Variants in WWP2 observed in about 807,000 individuals in gnomAD.
The protein encoded by WWP2 is NEDD4-like E3 ubiquitin-protein ligase WWP2.
In WWP2, 57 loss-of-function variants were observed where a neutral mutation model predicts 121.0. The ratio of observed to expected loss-of-function variants is 0.47; its 90% CI spans 0.38 to 0.59. WWP2 has a LOEUF of 0.59. WWP2 is among the 20% of genes least tolerant of loss of function. The pLI is 0.00. For synonymous variants in WWP2, 449 were observed against 441.3 expected, an observed-to-expected ratio of 1.02 and a Z score of -0.22; for missense variants, 962 against 1,158.9, an observed-to-expected ratio of 0.83 and a Z score of 2.47.
chr16:69,796,322 G>A (rs1275610599), intron 2 of WWP2, among the ~76,000 whole-genome samples: 2 of 152,138 alleles, frequency 1.3e-5, no homozygotes, highest in Admixed American at 6.6e-5. Flanking sequence ...TGAACATATC[G>A]CAAGTTGAAA....
intron 4 of WWP2, among the ~76,000 whole-genome samples, chr16:69,818,094 G>A (rs2056529116): frequency 6.6e-6 from 1 of 151,464 alleles, no homozygotes; most frequent in Non-Finnish European, 1.5e-5. Context: ...AACAGCACTG[G>A]GTGTTGTCAG....
chr16:69,922,160 A>G (rs2058573311), intron 10 of WWP2, among the ~76,000 whole-genome samples: 1 of 151,718 alleles, frequency 6.6e-6, no homozygotes, highest in Admixed American at 6.6e-5. Context: ...ATCGAGAAAC[A>G]GACAACTTGT....
chr16:69,839,770 G>T (rs1381056747), intron 4 of WWP2, among the ~76,000 whole-genome samples: 2 of 152,182 alleles, frequency 1.3e-5, no homozygotes, highest in African/African-American at 4.8e-5. Context: ...TGGGCAGGGG[G>T]ATATTACTTG....
chr16:69,853,573 G>A (rs1042692718), intron 6 of WWP2, among the ~76,000 whole-genome samples: 8 of 152,294 alleles, frequency 5.3e-5, no homozygotes, highest in East Asian at 3.9e-4. Context: ...GCGTCAGGGC[G>A]GGCATATGGG....
intron 1 of WWP2, among the ~76,000 whole-genome samples, chr16:69,765,493 G>C (rs1019844439): frequency 1.3e-5 from 2 of 152,092 alleles, no homozygotes; most frequent in African/African-American, 4.8e-5. Flanking sequence ...GTATTATGTT[G>C]TAATAAAGCA....
At chr16:69,834,416 T>C (rs2056840636) in intron 4 of WWP2, among the ~76,000 whole-genome samples, 1 of 152,152 alleles carries the variant, frequency 6.6e-6, no homozygotes, top group African/African-American at 2.4e-5. Context: ...TTTTCTTCTC[T>C]ACCCCACATC....
chr16:69,906,254 A>G (rs907077652), intron 8 of WWP2, among the ~76,000 whole-genome samples: 4 of 151,848 alleles, frequency 2.6e-5, no homozygotes, highest in Non-Finnish European at 4.4e-5. Context: ...TTATATTTTT[A>G]GTAGAGACAG....
chr16:69,809,534 A>C (rs1266822732), intron 4 of WWP2, among the ~76,000 whole-genome samples: 1 of 152,168 alleles, frequency 6.6e-6, no homozygotes, highest in Non-Finnish European at 1.5e-5. Context: ...TGGGAGGCCA[A>C]GGTGGGTGTA....
intron 4 of WWP2, among the ~76,000 whole-genome samples, chr16:69,831,758 T>C (rs2056796771): frequency 6.6e-6 from 1 of 152,048 alleles, no homozygotes; most frequent in Non-Finnish European, 1.5e-5. Context: ...TTTGTCAAAT[T>C]CTTGCAAGTT....
chr16:69,907,274 T>G (rs1349915662), intron 8 of WWP2, among the ~76,000 whole-genome samples: 1 of 152,160 alleles, frequency 6.6e-6, no homozygotes, highest in Non-Finnish European at 1.5e-5. Context: ...GTAACTAGGT[T>G]TAGCTGGGGG....
chr16:69,868,877 G>C (rs1314721673), intron 6 of WWP2, among the ~76,000 whole-genome samples: 1 of 152,098 alleles, frequency 6.6e-6, no homozygotes, highest in African/African-American at 2.4e-5. Context: ...ACTGAGGTGT[G>C]GTTGACAGCT....
chr16:69,908,711 C>A (rs546406245), intron 8 of WWP2, 50 bp from the exon 9 acceptor site: 3 of 1,610,960 alleles, frequency 1.9e-6, no homozygotes, highest in South Asian at 2.2e-5. Context: ...TAACAGGGGC[C>A]TATGCCTTTC....
At chr16:69,804,531 T>C (rs1243301780) in intron 4 of WWP2, among the ~76,000 whole-genome samples, 2 of 152,246 alleles carry the variant, frequency 1.3e-5, no homozygotes, top group Non-Finnish European at 2.9e-5. Flanking sequence ...GGACTTTCCA[T>C]TGAATCCATC....
At chr16:69,827,898 C>T (rs927381100) in intron 4 of WWP2, 2 of 455,690 alleles carry the variant, frequency 4.4e-6, no homozygotes, top group Non-Finnish European at 8.8e-6. Context: ...CCCCAGGTAC[C>T]TTTTAAAAAA....
Position 69,937,134 on chromosome 16 carries a change from C to T in WWP2, c.2134C>T (p.Arg712Cys). 12 of 1,613,894 alleles carry T rather than the reference C, an allele frequency of 7.4e-6. No individual in the cohort carries two copies. Among genetic ancestry groups the T allele is most frequent in the Non-Finnish European group, 9.3e-6 (11 of 1,179,932 alleles). ...TGGTCTCAGGCTGCTGACTGACTGG[C>T]GTTTCACCCGAGGCGTGGAAGAGCA... Reference protein sequence around the residue: ...EEYIMLLTDWRFTRGVEEQTK... With the variant: ...EEYIMLLTDWCFTRGVEEQTK... Residue 712 changes from arginine to cysteine, a missense_variant, in exon 20 of 24, where the codon CGT becomes TGT. Arg to Cys is a radical substitution (Grantham distance 180). This residue lies in a region of WWP2 where 606 missense variants were observed against 772.6 expected (regional missense o/e 0.78). Transcript: ENST00000359154. The surrounding 1 kb of genome is among the most constrained non-coding windows in gnomAD (Gnocchi z 6.6).
At chr16:69,919,102 C>T (rs1430629930) in intron 10 of WWP2, among the ~76,000 whole-genome samples, 1 of 18,900 alleles carries the variant, frequency 5.3e-5, no homozygotes, top group South Asian at 1.7e-3. Context: ...CCTCGGCCTC[C>T]CAAAGTGCTG....
chr16:69,806,496 G>A (rs2056277106), intron 4 of WWP2, among the ~76,000 whole-genome samples: 1 of 152,118 alleles, frequency 6.6e-6, no homozygotes, highest in Admixed American at 6.5e-5. Flanking sequence ...TGTTCCATGA[G>A]TGCAGCAAAG....
chr16:69,780,321 A>G (rs1274690183), intron 1 of WWP2, among the ~76,000 whole-genome samples: 1 of 150,650 alleles, frequency 6.6e-6, no homozygotes, highest in Non-Finnish European at 1.5e-5. Flanking sequence ...AAATTCATAT[A>G]TTTCAGGTAC....
intron 12 of WWP2, among the ~76,000 whole-genome samples, 156 bp from the exon 13 acceptor site, chr16:69,929,974 T>A (rs2058689440): frequency 6.6e-6 from 1 of 152,234 alleles, no homozygotes; most frequent in Non-Finnish European, 1.5e-5. Context: ...GCTGCAGAAC[T>A]GTTCTCACGA....
Sources: gnomAD v4.1 joint callset for allele counts (sites outside exome capture counted in the v4.1 genomes callset) on GRCh38, gnomAD v4.1.1 for gene constraint, gnomAD v4.1.1 regional missense constraint, Gnocchi (gnomAD v3.1) non-coding constraint, MANE v1.5 for transcripts, NCBI Gene and HGNC (gene_info 2026-07-23, HGNC 2026-07-21) for gene names.